The following CNTN5 variants were observed in gnomAD, a reference collection of about 807,000 sequenced individuals.
CNTN5 encodes contactin 5.
CNTN5 carries 77 observed loss-of-function variants against 129.1 expected under a neutral mutation model. The ratio of observed to expected loss-of-function variants is 0.60; its 90% CI spans 0.50 to 0.72. CNTN5 has a LOEUF of 0.72. Among genes scored for constraint, CNTN5 ranks in the 30% least tolerant of loss-of-function variants. The probability of loss-of-function intolerance (pLI) is 0.00; values close to 1 mark genes in which losing one functional copy is unlikely to be tolerated. For missense variants in CNTN5, 1,478 were observed against 1,328.8 expected (o/e 1.11, Z -1.75); for synonymous variants, 509 against 465.6 (o/e 1.09, Z -1.20).
chr11:99,747,637 C>CT (rs556892130), intron 3 of CNTN5, among the ~76,000 whole-genome samples: 5 of 151,172 alleles, frequency 3.3e-5, no homozygotes, highest in South Asian at 2.1e-4. Flanking sequence ...GCCTGGCTAA[C>CT]TTTTTTTTGT....
chr11:99,487,022 C>G (rs1259392901), intron 2 of CNTN5, among the ~76,000 whole-genome samples: 1 of 152,170 alleles, frequency 6.6e-6, no homozygotes, highest in South Asian at 2.1e-4. Context: ...TGAAAGAACA[C>G]ACTGCAACAA....
chr11:99,260,739 A>G (rs1164935769), intron 1 of CNTN5, among the ~76,000 whole-genome samples: 1 of 151,908 alleles, frequency 6.6e-6, no homozygotes, highest in Non-Finnish European at 1.5e-5. Context: ...CATATTCCCA[A>G]TTACTAGCTA....
intron 1 of CNTN5, among the ~76,000 whole-genome samples, chr11:99,224,833 C>T (rs1022020046): frequency 2.6e-5 from 4 of 151,810 alleles, no homozygotes; most frequent in Non-Finnish European, 1.5e-5. Flanking sequence ...AATGCAGAAA[C>T]ATAACAACCC....
intron 21 of CNTN5, among the ~76,000 whole-genome samples, chr11:100,325,488 T>C (rs1387829142): frequency 1.3e-5 from 2 of 152,196 alleles, no homozygotes; most frequent in Non-Finnish European, 2.9e-5. Context: ...GAGTGTTTTC[T>C]AGGTTTTTCT....
intron 2 of CNTN5, among the ~76,000 whole-genome samples, chr11:99,527,396 G>A (rs1417854117): frequency 6.6e-6 from 1 of 152,038 alleles, no homozygotes; most frequent in African/African-American, 2.4e-5. Context: ...TTATGCAACT[G>A]TTCTCTTACA....
intron 1 of CNTN5, among the ~76,000 whole-genome samples, chr11:99,255,090 T>C (rs1374753936): frequency 6.6e-6 from 1 of 151,946 alleles, no homozygotes; most frequent in Non-Finnish European, 1.5e-5. Context: ...AAACTATTTC[T>C]ATTATATATA....
intron 8 of CNTN5, among the ~76,000 whole-genome samples, chr11:99,970,559 T>A (rs1951221502): frequency 1.3e-5 from 2 of 152,316 alleles, no homozygotes; most frequent in South Asian, 4.1e-4. Context: ...AATACATGAA[T>A]ACATCCAAAG....
At chr11:99,442,113 T>A (rs941732652) in intron 2 of CNTN5, among the ~76,000 whole-genome samples, 1 of 152,176 alleles carries the variant, frequency 6.6e-6, no homozygotes, top group Admixed American at 6.5e-5. Flanking sequence ...AGTGCATGCC[T>A]TGCTAACTTT....
chr11:100,219,835 G>T (rs1949222974), intron 15 of CNTN5, among the ~76,000 whole-genome samples: 1 of 152,074 alleles, frequency 6.6e-6, no homozygotes, highest in East Asian at 1.9e-4. Flanking sequence ...AACATGTTCA[G>T]TTATTCAAGC....
At chr11:100,129,054 G>A (rs1004865533) in intron 13 of CNTN5, among the ~76,000 whole-genome samples, 9 of 152,068 alleles carry the variant, frequency 5.9e-5, no homozygotes, top group African/African-American at 1.7e-4. Flanking sequence ...TATGAGGCCA[G>A]AATATATATC....
intron 2 of CNTN5, among the ~76,000 whole-genome samples, chr11:99,335,400 A>T (rs907729088): frequency 5.9e-5 from 9 of 152,026 alleles, no homozygotes; most frequent in African/African-American, 1.7e-4. Flanking sequence ...AATTCTAGAC[A>T]TTTTTTATAA....
At chr11:99,249,600 G>T (rs986302787) in intron 1 of CNTN5, among the ~76,000 whole-genome samples, 3 of 151,842 alleles carry the variant, frequency 2.0e-5, no homozygotes, top group Non-Finnish European at 2.9e-5. Flanking sequence ...ACATATTCTA[G>T]GTTTTTAAAA....
intron 1 of CNTN5, among the ~76,000 whole-genome samples, chr11:99,161,671 A>C (rs1420611333): frequency 6.6e-6 from 1 of 152,124 alleles, no homozygotes; most frequent in Admixed American, 6.5e-5. Flanking sequence ...GAAAAATATA[A>C]CCTTAATTTT....
At chr11:99,196,506 G>A (rs1185814343) in intron 1 of CNTN5, among the ~76,000 whole-genome samples, 2 of 151,810 alleles carry the variant, frequency 1.3e-5, no homozygotes, top group African/African-American at 4.8e-5. Flanking sequence ...TTTTTCTGTA[G>A]GTAAGCTGTG....
At chr11:99,439,805 G>A (rs1472295401) in intron 2 of CNTN5, among the ~76,000 whole-genome samples, 1 of 151,568 alleles carries the variant, frequency 6.6e-6, no homozygotes, top group Non-Finnish European at 1.5e-5. Context: ...TAAGATACAT[G>A]CATCTTGCCG....
In CNTN5 at chr11:99,940,052, G is replaced by C. The variant is rs116897870; in HGVS notation, c.674-16754G>C. 7.5e-3 allele frequency among the ~76,000 whole-genome samples: 1,139 copies of C among 152,208 alleles called. 6 individuals are homozygous for C. The highest frequency in any genetic ancestry group is 0.014 in the Non-Finnish European group (951 of 68,002). On this transcript the variant is annotated intron_variant, in intron 7 of 24. Coordinates refer to ENST00000524871, the MANE Select transcript of CNTN5 (RefSeq NM_014361.4). Reference sequence around the variant, plus strand: ...GTCAGGATACATTTGGAAATGTCTAGAGGCATTTTTAATTTCTTTAATAGG... The same window carrying C: ...GTCAGGATACATTTGGAAATGTCTACAGGCATTTTTAATTTCTTTAATAGG...
chr11:99,231,141 C>A (rs546083010), intron 1 of CNTN5, among the ~76,000 whole-genome samples: 2 of 152,092 alleles, frequency 1.3e-5, no homozygotes, highest in East Asian at 3.9e-4. Context: ...TATAATAGAA[C>A]AATTTATATT....
chr11:99,600,354 T>A (rs543547789), intron 3 of CNTN5, among the ~76,000 whole-genome samples: 1 of 152,314 alleles, frequency 6.6e-6, no homozygotes, highest in South Asian at 2.1e-4. Flanking sequence ...TGAAATAGGA[T>A]GTTGTGAGCT....
chr11:100,008,764 A>C (rs1168289443), intron 9 of CNTN5, among the ~76,000 whole-genome samples: 1 of 152,056 alleles, frequency 6.6e-6, no homozygotes, highest in African/African-American at 2.4e-5. Context: ...CCTAACAGCA[A>C]ATTTTCTTCT....
Sources: gnomAD v4.1 joint callset for allele counts (sites outside exome capture counted in the v4.1 genomes callset) on GRCh38, gnomAD v4.1.1 for gene constraint, MANE v1.5 for transcripts, NCBI Gene and HGNC (gene_info 2026-07-23, HGNC 2026-07-21) for gene names.